The following CDKAL1 variants were observed in gnomAD, a reference collection of about 807,000 sequenced individuals.
CDKAL1 encodes the protein CDKAL1 threonylcarbamoyladenosine tRNA methylthiotransferase.
In CDKAL1, 32 loss-of-function variants were observed where a neutral mutation model predicts 68.2. The ratio of observed to expected loss-of-function variants is 0.47; its 90% CI spans 0.35 to 0.63. CDKAL1 has a LOEUF of 0.63. CDKAL1 is among the 30% of genes least tolerant of loss of function. The probability of loss-of-function intolerance (pLI) is 0.00; values close to 1 mark genes in which losing one functional copy is unlikely to be tolerated. For synonymous variants in CDKAL1, 234 were observed against 244.3 expected (o/e 0.96, Z 0.39); for missense variants, 606 against 696.7 (o/e 0.87, Z 1.47).
chr6:20,853,250 C>T (rs772457260), intron 9 of CDKAL1, among the ~76,000 whole-genome samples: 7 of 151,962 alleles, frequency 4.6e-5, no homozygotes, highest in Non-Finnish European at 7.4e-5. Flanking sequence ...GGCGTGGTGG[C>T]GCACGCCTGT....
intron 10 of CDKAL1, among the ~76,000 whole-genome samples, chr6:20,959,508 T>G (rs144342896): frequency 7.4e-4 from 113 of 152,254 alleles, no homozygotes; most frequent in Middle Eastern, 3.4e-3. Context: ...TCTTATTCAT[T>G]TGTCCCTTGA....
At chr6:20,720,668 T>G (rs1298205567) in intron 5 of CDKAL1, among the ~76,000 whole-genome samples, 1 of 152,106 alleles carries the variant, frequency 6.6e-6, no homozygotes, top group African/African-American at 2.4e-5. Flanking sequence ...CCTGGCTAAT[T>G]TTTGTATTTT....
intron 8 of CDKAL1, among the ~76,000 whole-genome samples, chr6:20,784,412 C>CTTTTCTTTTT (rs1775572868): frequency 1.2e-4 from 4 of 33,492 alleles, no homozygotes; most frequent in African/African-American, 4.7e-4. Flanking sequence ...TATTTTATTT[C>CTTTTCTTTTT]TTTTTTTTTT....
intron 11 of CDKAL1, among the ~76,000 whole-genome samples, chr6:21,035,564 T>C (rs563781709): frequency 2.0e-5 from 3 of 152,176 alleles, no homozygotes; most frequent in Non-Finnish European, 4.4e-5. Context: ...AACAGATTTC[T>C]ACAGATTTTT....
intron 4 of CDKAL1, among the ~76,000 whole-genome samples, chr6:20,622,180 A>G (rs559497997): frequency 4.8e-4 from 73 of 151,990 alleles, no homozygotes; most frequent in African/African-American, 1.7e-3. Context: ...CTTTGCTTCT[A>G]TATTTAGGTG....
chr6:20,963,824 A>G (rs1432436255), intron 10 of CDKAL1, among the ~76,000 whole-genome samples: 1 of 152,186 alleles, frequency 6.6e-6, no homozygotes, highest in African/African-American at 2.4e-5. Flanking sequence ...TCCAGTGTCT[A>G]TATTATGAGA....
chr6:20,638,859 C>T (rs1455537963), intron 4 of CDKAL1, among the ~76,000 whole-genome samples: 3 of 152,070 alleles, frequency 2.0e-5, no homozygotes, highest in South Asian at 4.2e-4. Context: ...GTCTCGATCT[C>T]TTGACATCAT....
intron 5 of CDKAL1, among the ~76,000 whole-genome samples, chr6:20,713,368 A>G (rs1041404814): frequency 6.6e-6 from 1 of 152,124 alleles, no homozygotes; most frequent in African/African-American, 2.4e-5. Flanking sequence ...TTTAAATAAT[A>G]CTCGTATCTT....
chr6:20,609,552 C>A (rs1197038005), intron 4 of CDKAL1, among the ~76,000 whole-genome samples: 1 of 151,642 alleles, frequency 6.6e-6, no homozygotes, highest in East Asian at 1.9e-4. Flanking sequence ...TGCACCACCA[C>A]GCCCAGCTAA....
At chr6:21,139,428 C>T (rs1775788020) in intron 13 of CDKAL1, among the ~76,000 whole-genome samples, 3 of 152,128 alleles carry the variant, frequency 2.0e-5, no homozygotes, top group African/African-American at 7.2e-5. Flanking sequence ...TCAACATGTC[C>T]CAGGAAAGAC....
At chr6:20,639,497 C>G (rs1356264187) in intron 4 of CDKAL1, among the ~76,000 whole-genome samples, 1 of 152,136 alleles carries the variant, frequency 6.6e-6, no homozygotes, top group Middle Eastern at 3.2e-3. Context: ...TCCCAGCGCT[C>G]CAACCCTAGC....
At chr6:21,217,496 T>G (rs1030643994) in intron 15 of CDKAL1, among the ~76,000 whole-genome samples, 1 of 150,658 alleles carries the variant, frequency 6.6e-6, no homozygotes, top group Non-Finnish European at 1.5e-5. Flanking sequence ...TATTTATTTA[T>G]TTTTATTTAT....
chr6:21,229,751 G>A (rs1180069000), intron 15 of CDKAL1, among the ~76,000 whole-genome samples: 2 of 152,250 alleles, frequency 1.3e-5, no homozygotes, highest in South Asian at 4.1e-4. Context: ...TTCAACAGGG[G>A]AGTCCCATGT....
intron 9 of CDKAL1, among the ~76,000 whole-genome samples, chr6:20,868,214 G>A (rs1581730168): frequency 6.6e-6 from 1 of 152,198 alleles, no homozygotes; most frequent in Non-Finnish European, 1.5e-5. Context: ...GTGTAGAAAA[G>A]GTACTAAATA....
At chr6:21,148,939 T>C (rs190652951) in intron 13 of CDKAL1, among the ~76,000 whole-genome samples, 1 of 152,314 alleles carries the variant, frequency 6.6e-6, no homozygotes, top group Non-Finnish European at 1.5e-5. Context: ...AGTCTTATTA[T>C]ACTAGGATGA....
At chr6:21,189,777 C>T (rs966578025) in intron 13 of CDKAL1, among the ~76,000 whole-genome samples, 1 of 152,044 alleles carries the variant, frequency 6.6e-6, no homozygotes, top group African/African-American at 2.4e-5. Flanking sequence ...TACTGTTGAC[C>T]GTTTTTAGCA....
chr6:21,219,235 T>C (rs1447292848), intron 15 of CDKAL1, among the ~76,000 whole-genome samples: 9 of 152,210 alleles, frequency 5.9e-5, no homozygotes, highest in Admixed American at 5.9e-4. Context: ...TTCAAATTCC[T>C]TATATAAAAT....
intron 11 of CDKAL1, among the ~76,000 whole-genome samples, chr6:21,002,921 G>A (rs549761680): frequency 1.2e-4 from 18 of 151,958 alleles, no homozygotes; most frequent in East Asian, 3.9e-4. Flanking sequence ...CCTGGGAGGC[G>A]GAGGTTGCAG....
intron 4 of CDKAL1, among the ~76,000 whole-genome samples, chr6:20,648,535 A>G (rs1243291438): frequency 6.6e-6 from 1 of 152,158 alleles, no homozygotes; most frequent in East Asian, 1.9e-4. Flanking sequence ...GAATCTACAC[A>G]TAGACATCTG....
Sources: allele counts gnomAD v4.1 joint callset (sites outside exome capture counted in the v4.1 genomes callset), GRCh38; gene constraint gnomAD v4.1.1; transcripts MANE v1.5; gene names NCBI Gene and HGNC (gene_info 2026-07-23, HGNC 2026-07-21).